The following MKLN1 variants were observed in gnomAD, a reference collection of about 807,000 sequenced individuals.
MKLN1 encodes muskelin.
Under a neutral mutation model 99.0 loss-of-function variants are expected in MKLN1, and 18 were observed. That is an observed-to-expected ratio of 0.18 (90% CI 0.13 to 0.27). The LOEUF (loss-of-function observed/expected upper bound fraction) is 0.27. Among genes scored for constraint, MKLN1 ranks in the 10% least tolerant of loss-of-function variants. The pLI is 1.00. For synonymous variants in MKLN1, 288 were observed against 293.2 expected, an observed-to-expected ratio of 0.98 and a Z score of 0.18; for missense variants, 621 against 875.9, an observed-to-expected ratio of 0.71 and a Z score of 3.67.
In MKLN1 at chr7:131,131,800, G is replaced by C. The variant is rs146777818; in HGVS notation, c.-418-11020G>C. On this transcript the variant is annotated intron_variant, in intron 1 of 7. Coordinates refer to the MKLN1 transcript ENST00000416992. ...ATACTTCTGCTAAGGAATCAAAGTTGAGAGAATCAAAGAAAAGGAAGGCAA... is the reference window on the plus strand; with the variant it reads ...ATACTTCTGCTAAGGAATCAAAGTTCAGAGAATCAAAGAAAAGGAAGGCAA... Among the ~76,000 whole-genome samples the C allele has an allele frequency of 1.4e-3, 207 of 152,314 alleles. 3 individuals carry two copies. The East Asian group carries it at 0.035, about 26-fold the overall frequency.
At chr7:131,390,939 T>C (rs1290997605) in intron 4 of MKLN1, among the ~76,000 whole-genome samples, 2 of 152,112 alleles carry the variant, frequency 1.3e-5, no homozygotes, top group African/African-American at 4.8e-5. Flanking sequence ...TAGACACTTA[T>C]TAGCCCATTT....
intron 3 of MKLN1, among the ~76,000 whole-genome samples, chr7:131,239,450 G>A (rs1797370344): frequency 1.3e-5 from 2 of 151,856 alleles, no homozygotes; most frequent in African/African-American, 4.8e-5. Flanking sequence ...CTCCCAAGTA[G>A]CTAGGGCTAT....
chr7:131,350,528 T>C (rs1354412319), intron 1 of MKLN1, among the ~76,000 whole-genome samples: 2 of 152,250 alleles, frequency 1.3e-5, no homozygotes, highest in African/African-American at 2.4e-5. Context: ...TGGTTTCACC[T>C]AAAGGCTTGA....
At chr7:131,278,276 G>A (rs1275437319) in intron 3 of MKLN1, among the ~76,000 whole-genome samples, 5 of 152,046 alleles carry the variant, frequency 3.3e-5, no homozygotes, top group South Asian at 2.1e-4. Flanking sequence ...GAGCTCAAGC[G>A]ATCTGCCCAC....
At chr7:131,480,880 A>G (rs924608900) in intron 17 of MKLN1, among the ~76,000 whole-genome samples, 1 of 152,162 alleles carries the variant, frequency 6.6e-6, no homozygotes, top group Non-Finnish European at 1.5e-5. Context: ...TCTCTAACTG[A>G]CTTATTTTTA....
intron 1 of MKLN1, among the ~76,000 whole-genome samples, chr7:131,127,665 G>C (rs1280532970): frequency 6.6e-6 from 1 of 152,172 alleles, no homozygotes; most frequent in African/African-American, 2.4e-5. Flanking sequence ...CTTGCCCTGG[G>C]CAGGACATTT....
chr7:131,177,468 CAAAA>C (rs11351761), intron 2 of MKLN1, among the ~76,000 whole-genome samples: 4 of 106,112 alleles, frequency 3.8e-5, no homozygotes, highest in Admixed American at 1.0e-4. Flanking sequence ...GACTCCATCT[CAAAA>C]AAAAAAAAAA....
chr7:131,340,275 C>CTTTTTTT lies in MKLN1; in HGVS notation c.98+12293_98+12299dup, dbSNP rs398006316. On this transcript the variant is annotated intron_variant, in intron 1 of 17. Transcript: ENST00000352689. ...CATTTTTTACAGTTTGTAATTACGG[C>CTTTTTTT]TTTTTTTTTTTTTTTTTTTTTGAGA... Among the ~76,000 whole-genome samples the CTTTTTTT allele has an allele frequency of 4.4e-4, 37 of 85,036 alleles. 1 individual carries two copies. Among genetic ancestry groups the CTTTTTTT allele is most frequent in the Admixed American group, 8.3e-4 (5 of 6,056 alleles). 55.8% of individuals were successfully genotyped at this position (85,036 alleles called of 152,430 possible).
chr7:131,112,469 G>C (rs1201639063), intron 1 of MKLN1, among the ~76,000 whole-genome samples: 2 of 152,158 alleles, frequency 1.3e-5, no homozygotes, highest in African/African-American at 4.8e-5. Flanking sequence ...AATTTACCTT[G>C]CTCCCCATGT....
intron 3 of MKLN1, among the ~76,000 whole-genome samples, chr7:131,260,084 C>T (rs986673705): frequency 8.6e-5 from 13 of 151,814 alleles, no homozygotes; most frequent in African/African-American, 1.2e-4. Flanking sequence ...CTTACTGTGT[C>T]GCCCAGGCTG....
chr7:131,242,625 C>T (rs1797421907), intron 3 of MKLN1: 2 of 523,330 alleles, frequency 3.8e-6, no homozygotes, highest in Admixed American at 2.4e-5. Flanking sequence ...GACGGTGGTG[C>T]TTGTTCTGGC....
chr7:131,268,082 G>T (rs1200810899), intron 3 of MKLN1, among the ~76,000 whole-genome samples: 1 of 152,162 alleles, frequency 6.6e-6, no homozygotes, highest in Non-Finnish European at 1.5e-5. Flanking sequence ...ACATAGGCTG[G>T]GTTGGGTTTC....
At chr7:131,208,407 A>C (rs1473606739) in intron 3 of MKLN1, among the ~76,000 whole-genome samples, 1 of 152,140 alleles carries the variant, frequency 6.6e-6, no homozygotes, top group Non-Finnish European at 1.5e-5. Context: ...CAGCCTGGGC[A>C]ACACAGGAAA....
intron 3 of MKLN1, among the ~76,000 whole-genome samples, chr7:131,280,609 G>A (rs1798036318): frequency 6.6e-6 from 1 of 151,542 alleles, no homozygotes; most frequent in Non-Finnish European, 1.5e-5. Flanking sequence ...GTGGCAGAAT[G>A]TTTATTTAAA....
intron 3 of MKLN1, among the ~76,000 whole-genome samples, chr7:131,299,247 C>T (rs1290190339): frequency 6.6e-6 from 1 of 152,098 alleles, no homozygotes; most frequent in African/African-American, 2.4e-5. Flanking sequence ...ACTGAATATT[C>T]AATTCAGGGT....
intron 1 of MKLN1, among the ~76,000 whole-genome samples, chr7:131,328,592 T>C (rs893663983): frequency 6.6e-6 from 1 of 152,168 alleles, no homozygotes; most frequent in Non-Finnish European, 1.5e-5. Context: ...ACGTTGTCTT[T>C]AATGCCTGGA....
chr7:131,111,763 G>A (rs1236167334), intron 1 of MKLN1, among the ~76,000 whole-genome samples: 1 of 89,126 alleles, frequency 1.1e-5, no homozygotes, highest in Non-Finnish European at 2.3e-5. Flanking sequence ...CTTCTAAAAT[G>A]AAACGCATAA....
At chr7:131,429,219 A>G (rs1563343682) in intron 9 of MKLN1, 74 bp downstream of exon 9, 3 of 997,142 alleles carry the variant, frequency 3.0e-6, no homozygotes, top group African/African-American at 1.6e-5. Flanking sequence ...CGGCATGATT[A>G]TATTCTTCAC....
chr7:131,450,461 A>C (rs1796145587), intron 12 of MKLN1, among the ~76,000 whole-genome samples: 1 of 152,104 alleles, frequency 6.6e-6, no homozygotes, highest in Non-Finnish European at 1.5e-5. Flanking sequence ...TTTCTTCCTC[A>C]CTTTAAATCT....
Sources: allele counts gnomAD v4.1 joint callset (sites outside exome capture counted in the v4.1 genomes callset), GRCh38; gene constraint gnomAD v4.1.1; transcripts MANE v1.5; gene names NCBI Gene and HGNC (gene_info 2026-07-23, HGNC 2026-07-21).